ATP6V1H: variants seen among roughly 807,000 people sequenced by gnomAD.
ATP6V1H encodes the protein ATPase H+ transporting V1 subunit H, also known as V-type proton ATPase subunit H.
Under a neutral mutation model 71.7 loss-of-function variants are expected in ATP6V1H, and 39 were observed. That is an observed-to-expected ratio of 0.54 (90% CI 0.42 to 0.71). The LOEUF is 0.71. Ranked by LOEUF, ATP6V1H falls within the 30% of genes least tolerant of loss-of-function variation. The pLI is 0.00. For synonymous variants in ATP6V1H, 192 were observed against 199.3 expected, an observed-to-expected ratio of 0.96 and a Z score of 0.31; for missense variants, 509 against 594.9, an observed-to-expected ratio of 0.86 and a Z score of 1.50.
At chr8:53,781,748 T>C (rs1376034132) in intron 9 of ATP6V1H, among the ~76,000 whole-genome samples, 1 of 151,418 alleles carries the variant, frequency 6.6e-6, no homozygotes, top group Non-Finnish European at 1.5e-5. Context: ...CAGTTTCAGC[T>C]TTCTACATAT....
intron 9 of ATP6V1H, among the ~76,000 whole-genome samples, chr8:53,788,567 A>G (rs770205202): frequency 1.3e-5 from 2 of 152,220 alleles, no homozygotes; most frequent in Non-Finnish European, 2.9e-5. Context: ...TACATACTGT[A>G]TATTTACTAT....
At chr8:53,821,422 C>A (rs187885264) in intron 4 of ATP6V1H, among the ~76,000 whole-genome samples, 2 of 151,606 alleles carry the variant, frequency 1.3e-5, no homozygotes, top group African/African-American at 4.8e-5. Context: ...ATGGCTCACA[C>A]CTGAATCTCA....
chr8:53,822,190 TTA>T (rs1810685626), intron 4 of ATP6V1H, among the ~76,000 whole-genome samples: 1 of 152,100 alleles, frequency 6.6e-6, no homozygotes, highest in Non-Finnish European at 1.5e-5. Flanking sequence ...ATGCAAAAAT[TTA>T]GAGACTACTG....
intron 7 of ATP6V1H, among the ~76,000 whole-genome samples, chr8:53,802,744 T>C (rs1353819218): frequency 6.6e-6 from 1 of 151,716 alleles, no homozygotes; most frequent in African/African-American, 2.4e-5. Context: ...AATAAATAAA[T>C]AATAATTCAT....
In ATP6V1H at chr8:53,784,932, TGTG is replaced by T. The variant is rs1178373025; in HGVS notation, c.870+10712_870+10714del. Among the ~76,000 whole-genome samples the T allele has an allele frequency of 3.3e-5, 5 of 152,348 alleles. No individual in the cohort carries two copies. The East Asian group carries it at 9.6e-4, about 29-fold the overall frequency. The stretch of plus-strand genomic sequence containing the variant: ...ACTGTTAGTCTGATGGGCTTCCCTT[TGTG>T]GGTAACCCGACCTTTCTCTCTGGCT... On this transcript the variant is annotated intron_variant, in intron 9 of 13. Coordinates refer to ENST00000359530, the MANE Select transcript of ATP6V1H (RefSeq NM_015941.4).
chr8:53,814,873 C>A (rs1563479173), intron 5 of ATP6V1H, 107 bp from the exon 6 acceptor site: 3 of 624,334 alleles, frequency 4.8e-6, no homozygotes, highest in Non-Finnish European at 8.4e-6. Flanking sequence ...TTTCTTAACA[C>A]TCAACCCCTC....
chr8:53,832,019 C>T (rs1334257379), intron 3 of ATP6V1H: 1 of 151,830 alleles, frequency 6.6e-6, no homozygotes, highest in Non-Finnish European at 1.5e-5. Flanking sequence ...TATGGTTCAT[C>T]CATTAAATGG....
intron 2 of ATP6V1H, among the ~76,000 whole-genome samples, chr8:53,838,389 G>C (rs1811232069): frequency 6.6e-6 from 1 of 152,152 alleles, no homozygotes. Context: ...AAAGGGCTGG[G>C]ATTACAGGCG....
intron 10 of ATP6V1H, among the ~76,000 whole-genome samples, chr8:53,771,446 G>A (rs1408161856): frequency 6.6e-6 from 1 of 152,188 alleles, no homozygotes; most frequent in Non-Finnish European, 1.5e-5. Context: ...GCAGAGAGGG[G>A]TTAGAAGGCT....
intron 8 of ATP6V1H, among the ~76,000 whole-genome samples, chr8:53,797,504 A>G (rs1809778850): frequency 6.6e-6 from 1 of 152,144 alleles, no homozygotes; most frequent in East Asian, 1.9e-4. Context: ...GTTCAGAGAC[A>G]CCAATATCAG....
intron 2 of ATP6V1H, among the ~76,000 whole-genome samples, chr8:53,840,614 T>G (rs1418141703): frequency 6.6e-6 from 1 of 152,170 alleles, no homozygotes; most frequent in Admixed American, 6.5e-5. Context: ...CCTCAAAGCC[T>G]GGAAAAATGC....
intron 12 of ATP6V1H, among the ~76,000 whole-genome samples, chr8:53,754,288 C>T (rs1226131526): frequency 6.6e-6 from 1 of 152,220 alleles, no homozygotes; most frequent in Non-Finnish European, 1.5e-5. Flanking sequence ...CTCATTTCTA[C>T]ACCATCTTGC....
chr8:53,771,415 T>C (rs958772517), intron 10 of ATP6V1H, among the ~76,000 whole-genome samples: 2 of 151,898 alleles, frequency 1.3e-5, no homozygotes, highest in Non-Finnish European at 2.9e-5. Context: ...CAGAGCCCAA[T>C]TTGTGGGTTG....
At chr8:53,774,080 G>C (rs1411475879) in intron 9 of ATP6V1H, among the ~76,000 whole-genome samples, 1 of 152,214 alleles carries the variant, frequency 6.6e-6, no homozygotes, top group Non-Finnish European at 1.5e-5. Flanking sequence ...CAAAAGGAGA[G>C]GAGGAAGAGA....
At position 53,842,264 on chromosome 8, in the gene ATP6V1H, T is replaced by G. The variant is rs10958392; in HGVS notation, c.-35-539A>C. Among the ~76,000 whole-genome samples, 3 of 152,076 alleles carry G rather than the reference T, an allele frequency of 2.0e-5. No individual in the cohort carries two copies. In the South Asian group the frequency reaches 6.2e-4, roughly 31 times the overall value. ...TGCTTTCCTTTTCAAACAAAATTCA[T>G]AGTATTTGCAAAATCAAAATTCGGA... On this transcript the variant is annotated intron_variant, in intron 1 of 13. Transcript: ENST00000359530.
rs545238173 is a variant in ATP6V1H, at chr8:53,751,357, C to T, written c.1277+5198G>A. Among the ~76,000 whole-genome samples, 82 of 152,274 alleles carry T rather than the reference C, an allele frequency of 5.4e-4. 1 individual carries two copies. The South Asian group carries it at 0.016, about 30-fold the overall frequency. On this transcript the variant is annotated intron_variant, in intron 12 of 13. Transcript: ENST00000359530. Reference sequence around the variant, plus strand: ...GGACTAGCTATGTGCAGCAGAGTTACGGCTATGTGGATAAAAAGGCTGTAC... The same window carrying T: ...GGACTAGCTATGTGCAGCAGAGTTATGGCTATGTGGATAAAAAGGCTGTAC...
At chr8:53,790,334 C>T (rs1039207751) in intron 9 of ATP6V1H, among the ~76,000 whole-genome samples, 1 of 152,114 alleles carries the variant, frequency 6.6e-6, no homozygotes, top group African/African-American at 2.4e-5. Context: ...AGACAAACCC[C>T]ACAGAGACAA....
chr8:53,834,744 G>A (rs986687463), intron 2 of ATP6V1H, among the ~76,000 whole-genome samples: 2 of 151,916 alleles, frequency 1.3e-5, no homozygotes, highest in African/African-American at 4.8e-5. Context: ...TTTTAACTCA[G>A]TAGTTTAAAA....
At chr8:53,811,289 G>A in intron 6 of ATP6V1H, 72 bp from the exon 7 acceptor site, 2 of 1,332,596 alleles carry the variant, frequency 1.5e-6, no homozygotes, top group Non-Finnish European at 2.1e-6. Context: ...TTACAAAAGG[G>A]AGCTAAGCAA....
Sources: gnomAD v4.1 joint callset for allele counts (sites outside exome capture counted in the v4.1 genomes callset) on GRCh38, gnomAD v4.1.1 for gene constraint, MANE v1.5 for transcripts, NCBI Gene and HGNC (gene_info 2026-07-23, HGNC 2026-07-21) for gene names.